Variants in AKR1B10 observed in about 807,000 individuals in gnomAD.
AKR1B10 encodes ARP.
Under a neutral mutation model 38.9 loss-of-function variants are expected in AKR1B10, and 39 were observed. That is an observed-to-expected ratio of 1.00 (90% CI 0.78 to 1.31). The LOEUF (loss-of-function observed/expected upper bound fraction) is 1.31. AKR1B10 is among the 50% of genes most tolerant of loss of function. The pLI is 0.00. For synonymous variants in AKR1B10, 148 were observed against 141.2 expected (o/e 1.05, Z -0.34); for missense variants, 361 against 382.6 (o/e 0.94, Z 0.47).
At chr7:134,530,612 A>T in intron 1 of AKR1B10, 31 bp from the exon 2 acceptor site, 1 of 1,612,710 alleles carries the variant, frequency 6.2e-7, no homozygotes, top group Non-Finnish European at 8.5e-7. Context: ...AAAAAAACAC[A>T]TATGTGATGA....
In AKR1B10 at chr7:134,536,722, G is replaced by A. The variant is rs148661873; in HGVS notation, c.502G>A (p.Glu168Lys). Residue 168 changes from glutamate (E) to lysine (K), a missense_variant, in exon 5 of 10, where the codon GAG (glutamate) becomes AAG (lysine). Around this residue, in one of 3 missense-constraint regions of AKR1B10, gnomAD observed 220 missense variants for 216.1 expected, o/e 1.02. Transcript: ENST00000359579. The part of the protein sequence containing the change: ...GVSNFSHFQI[E>K]KLLNKPGLKY... ...CTCCAATTTCAGCCACTTCCAGATC[G>A]AGAAGCTCTTGAACAAACCTGGACT... The A allele has an allele frequency of 6.9e-5, 111 of 1,613,810 alleles. No homozygotes were observed. The highest frequency in any genetic ancestry group is 8.3e-5 in the Admixed American group (5 of 59,992).
At chr7:134,540,026 G>A (rs1808106609) in intron 9 of AKR1B10, among the ~76,000 whole-genome samples, 2 of 152,308 alleles carry the variant, frequency 1.3e-5, no homozygotes, top group Admixed American at 6.5e-5. Context: ...AGGAGATCAA[G>A]ACCATCCTGG....
intron 8 of AKR1B10, 22 bp from the exon 9 acceptor site, chr7:134,538,913 A>G (rs780334939): frequency 3.4e-5 from 55 of 1,613,838 alleles, no homozygotes; most frequent in Admixed American, 5.0e-5. Context: ...CTGATGATGT[A>G]TTGGAACTCC....
chr7:134,535,313 A>G (rs1360854703), intron 4 of AKR1B10, among the ~76,000 whole-genome samples: 1 of 152,116 alleles, frequency 6.6e-6, no homozygotes, highest in Non-Finnish European at 1.5e-5. Flanking sequence ...GCTAAGGCCT[A>G]CAAGAGTTAA....
chr7:134,532,330 G>T (rs1041915093), intron 3 of AKR1B10, among the ~76,000 whole-genome samples: 3 of 152,120 alleles, frequency 2.0e-5, no homozygotes, highest in African/African-American at 7.2e-5. Context: ...TTGATTCCAC[G>T]CCCCAGGGTT....
chr7:134,533,033 T>A lies in AKR1B10; in HGVS notation c.381T>A (p.Asp127Glu). 6.2e-7 allele frequency: 1 copy of A among 1,602,388 alleles called. No homozygotes were observed. The highest frequency in any genetic ancestry group is 8.5e-7 in the Non-Finnish European group (1 of 1,176,136). ...KSGDDLFPKD[D>E]KGNAIGGKAT... ...GGGATGACCTTTTCCCCAAAGATGATAAAGGTAATGCCATCGGTGGAAAAG... is the reference window on the plus strand; with the variant it reads ...GGGATGACCTTTTCCCCAAAGATGAAAAAGGTAATGCCATCGGTGGAAAAG... The change falls in exon 4 of 10, where the codon GAT becomes GAA. Residue 127 changes from aspartate to glutamate, a missense_variant. By Grantham distance (45) the Asp-to-Glu change is conservative. Transcript: ENST00000359579.
At chr7:134,532,762 GAA>G (rs1185891614) in intron 3 of AKR1B10, among the ~76,000 whole-genome samples, 50 of 152,286 alleles carry the variant, frequency 3.3e-4, no homozygotes, top group Non-Finnish European at 6.5e-4. Context: ...TGGTGATAAT[GAA>G]CTTCTGGAAT....
At chr7:134,536,402 G>T (rs185107871) in intron 4 of AKR1B10, among the ~76,000 whole-genome samples, 4 of 152,286 alleles carry the variant, frequency 2.6e-5, no homozygotes, top group Admixed American at 1.3e-4. Context: ...CACGTGTAAG[G>T]TGAGAGTGGC....
chr7:134,531,660 C>T, intron 2 of AKR1B10, among the ~76,000 whole-genome samples: 1 of 152,240 alleles, frequency 6.6e-6, no homozygotes, highest in Middle Eastern at 3.4e-3. Context: ...ACATTTACTT[C>T]AATGATCTGA....
At chr7:134,535,197 C>T (rs1807963320) in intron 4 of AKR1B10, among the ~76,000 whole-genome samples, 1 of 152,062 alleles carries the variant, frequency 6.6e-6, no homozygotes, top group South Asian at 2.1e-4. Flanking sequence ...AGGATGGTCT[C>T]CAACACCTGG....
chr7:134,532,960 G>A (rs757552926), intron 3 of AKR1B10, 44 bp from the exon 4 acceptor site: 6 of 1,544,286 alleles, frequency 3.9e-6, no homozygotes, highest in Non-Finnish European at 3.6e-6. Context: ...AGAACCAAGT[G>A]TCCTGATGCA....
At chr7:134,528,111 CT>C in intron 1 of AKR1B10, 134 bp downstream of exon 1, 1 of 1,178,112 alleles carries the variant, frequency 8.5e-7, no homozygotes, top group Non-Finnish European at 1.2e-6. Context: ...GGAGCCAGGA[CT>C]TAGGTTGCTT....
intron 9 of AKR1B10, 128 bp downstream of exon 9, chr7:134,539,145 A>G: frequency 1.7e-6 from 2 of 1,154,996 alleles, no homozygotes; most frequent in Non-Finnish European, 2.5e-6. Flanking sequence ...GGCAATTTTG[A>G]AAGTTAAAAT....
rs749618499 is a variant in AKR1B10, at chr7:134,527,880, C to T, written c.-32C>T. 1.9e-6 allele frequency: 3 copies of T among 1,612,304 alleles called. No homozygotes were observed. Among genetic ancestry groups the T allele is most frequent in the Non-Finnish European group, 2.5e-6 (3 of 1,179,838 alleles). On this transcript the variant is annotated 5_prime_UTR_variant, in exon 1 of 10. Transcript: ENST00000359579. Reference sequence around the variant, plus strand: ...CAGAGAGCAGGACGTGAGACTTCTACCTGCTCACTCAGAATCATTTCTGCA... The same window carrying T: ...CAGAGAGCAGGACGTGAGACTTCTATCTGCTCACTCAGAATCATTTCTGCA...
In AKR1B10 at chr7:134,532,009, G is replaced by C; in HGVS notation, c.336G>C (p.Trp112Cys). 6.2e-7 allele frequency: 1 copy of C among 1,614,106 alleles called. No individual in the cohort carries two copies. Reference protein sequence around the residue: ...LSYLDVYLIHWPQGFKSGDDL... With the variant: ...LSYLDVYLIHCPQGFKSGDDL... ...ATCTGGACGTCTATCTTATTCACTG[G>C]CCACAGGGATTCAAGGTTTAAGACA... Residue 112 changes from tryptophan (W) to cysteine (C), a missense_variant, in exon 3 of 10, where the codon TGG becomes TGC. Trp to Cys is a radical substitution (Grantham distance 215). Around this residue, in one of 3 missense-constraint regions of AKR1B10, gnomAD observed 220 missense variants for 216.1 expected, o/e 1.02. Transcript: ENST00000359579.
At chr7:134,530,610 A>C (rs1174854815) in intron 1 of AKR1B10, 33 bp from the exon 2 acceptor site, 2 of 1,611,890 alleles carry the variant, frequency 1.2e-6, no homozygotes, top group African/African-American at 2.7e-5. Context: ...TAAAAAAAAC[A>C]CATATGTGAT....
intron 6 of AKR1B10, 145 bp from the exon 7 acceptor site, chr7:134,537,435 G>A: frequency 7.7e-7 from 1 of 1,299,120 alleles, no homozygotes; most frequent in Non-Finnish European, 1.1e-6. Flanking sequence ...AGAGCCCGGG[G>A]AAAGGACCCA....
intron 1 of AKR1B10, among the ~76,000 whole-genome samples, chr7:134,528,315 G>T (rs1419262653): frequency 6.6e-6 from 1 of 152,216 alleles, no homozygotes; most frequent in Non-Finnish European, 1.5e-5. Context: ...CTGTGGGTTT[G>T]TTGTGGGCTG....
chr7:134,538,853 C>T, intron 8 of AKR1B10, 82 bp from the exon 9 acceptor site: 1 of 1,516,064 alleles, frequency 6.6e-7, no homozygotes, highest in South Asian at 1.1e-5. Context: ...TGTGAGCTCC[C>T]TCCCTGCTAG....
Sources: gnomAD v4.1 joint callset for allele counts (sites outside exome capture counted in the v4.1 genomes callset) on GRCh38, gnomAD v4.1.1 for gene constraint, gnomAD v4.1.1 regional missense constraint, MANE v1.5 for transcripts, NCBI Gene and HGNC (gene_info 2026-07-23, HGNC 2026-07-21) for gene names.